The following PIK3CA variants were observed in gnomAD, a reference collection of about 807,000 sequenced individuals.
The protein encoded by PIK3CA is phosphatidylinositol-4,5-bisphosphate 3-kinase catalytic subunit alpha, also known as phosphatidylinositol 4,5-bisphosphate 3-kinase catalytic subunit alpha isoform.
A neutral mutation model predicts 138.2 loss-of-function variants in PIK3CA; 27 were observed. The observed-to-expected ratio is 0.20, with a 90% confidence interval of 0.14 to 0.27. The LOEUF is 0.27. PIK3CA is among the 10% of genes least tolerant of loss of function. The pLI, the probability that PIK3CA is intolerant of heterozygous loss-of-function variation, is 1.00. For synonymous variants in PIK3CA, 358 were observed against 413.2 expected (o/e 0.87, Z 1.62); for missense variants, 544 against 1,277.4 (o/e 0.43, Z 8.75).
At chr3:179,188,255 G>A (rs983849179) in intron 1 of PIK3CA, among the ~76,000 whole-genome samples, 6 of 152,158 alleles carry the variant, frequency 3.9e-5, no homozygotes, top group African/African-American at 1.4e-4. Context: ...CTAAAGATGT[G>A]TAAAAGCTCA....
At chr3:179,181,898 A>G (rs1223041547) in intron 1 of PIK3CA, among the ~76,000 whole-genome samples, 1 of 152,120 alleles carries the variant, frequency 6.6e-6, no homozygotes, top group Non-Finnish European at 1.5e-5. Flanking sequence ...CTCACTCTGA[A>G]TTTTTACCAT....
intron 1 of PIK3CA, among the ~76,000 whole-genome samples, chr3:179,191,966 C>T (rs1266983669): frequency 1.3e-5 from 2 of 152,138 alleles, no homozygotes. Context: ...AAACATAATA[C>T]ACTTTTGAAA....
At chr3:179,191,637 G>A (rs1724138515) in intron 1 of PIK3CA, among the ~76,000 whole-genome samples, 1 of 152,042 alleles carries the variant, frequency 6.6e-6, no homozygotes, top group African/African-American at 2.4e-5. Context: ...GTTTTGTTTT[G>A]TTTTGTTTTG....
intron 1 of PIK3CA, among the ~76,000 whole-genome samples, chr3:179,185,930 C>T (rs1196350447): frequency 6.6e-6 from 1 of 152,196 alleles, no homozygotes; most frequent in Non-Finnish European, 1.5e-5. Flanking sequence ...CATTAAGTAG[C>T]ATGATTGATT....
chr3:179,197,479 T>A (rs1314546437), intron 1 of PIK3CA, among the ~76,000 whole-genome samples: 1 of 152,240 alleles, frequency 6.6e-6, no homozygotes, highest in Non-Finnish European at 1.5e-5. Flanking sequence ...GTGAATGTAA[T>A]TACCCTACAC....
intron 14 of PIK3CA, among the ~76,000 whole-genome samples, chr3:179,222,831 C>G (rs1484005001): frequency 6.6e-6 from 1 of 152,202 alleles, no homozygotes; most frequent in Non-Finnish European, 1.5e-5. Flanking sequence ...CATATAATTT[C>G]TGAATGCATG....
rs1320856522 is a variant in PIK3CA at position 179,234,661 on chromosome 3, C to A, written c.*297C>A. On this transcript the variant is annotated 3_prime_UTR_variant, in exon 21 of 21. Transcript: ENST00000263967. The surrounding 1 kb of genome is among the most constrained non-coding windows in gnomAD (Gnocchi z 5.1). ...ATTGTTTGTATCTTTTTTTAAAAAA[C>A]AAAACAAAACAAAAATCCCCAAAAT... 1 of 266,566 alleles carries A rather than the reference C, an allele frequency of 3.8e-6. No homozygotes were observed. The highest frequency in any genetic ancestry group is 7.0e-6 in the Non-Finnish European group (1 of 142,026). The allele number at this position is 266,566 out of a possible 1,614,324, so 16.5% of individuals were successfully genotyped here. A position where few individuals can be genotyped will look rare whatever the true frequency, so the allele number is the denominator to read the frequency against.
At chr3:179,168,395 A>G (rs1391688674) in intron 1 of PIK3CA, among the ~76,000 whole-genome samples, 1 of 152,020 alleles carries the variant, frequency 6.6e-6, no homozygotes, top group Non-Finnish European at 1.5e-5. Flanking sequence ...TCTTTTGCAG[A>G]TTACTTGTTT....
chr3:179,228,423 GATAC>G (rs1255703598), intron 17 of PIK3CA, among the ~76,000 whole-genome samples: 1 of 151,934 alleles, frequency 6.6e-6, no homozygotes, highest in Non-Finnish European at 1.5e-5. Context: ...AAAGTTTATT[GATAC>G]AGTTTTAGAT....
chr3:179,185,500 T>C (rs191601717), intron 1 of PIK3CA, among the ~76,000 whole-genome samples: 1 of 152,298 alleles, frequency 6.6e-6, no homozygotes, highest in East Asian at 1.9e-4. Flanking sequence ...TAGACAGCAG[T>C]TGAGTATCCT....
intron 1 of PIK3CA, among the ~76,000 whole-genome samples, chr3:179,154,319 T>C (rs536193371): frequency 6.6e-6 from 1 of 152,196 alleles, no homozygotes; most frequent in African/African-American, 2.4e-5. Context: ...GCTCTGCCTG[T>C]TGTCGGAGCA....
intron 1 of PIK3CA, among the ~76,000 whole-genome samples, chr3:179,156,185 G>C (rs1576911648): frequency 6.6e-6 from 1 of 152,224 alleles, no homozygotes; most frequent in African/African-American, 2.4e-5. Context: ...CTGTGGCAGA[G>C]AAAAGCTGCC....
Position 179,199,187 on chromosome 3 carries a change from A to G in PIK3CA, c.352+10A>G, listed in dbSNP as rs2108386513. Reference sequence around the variant, plus strand: ...CTCAATCGAGAAATTGGTATGATACAATATCCTATTCTAAAATGCAAATAA... The same window carrying G: ...CTCAATCGAGAAATTGGTATGATACGATATCCTATTCTAAAATGCAAATAA... On this transcript the variant is annotated intron_variant, in intron 2 of 20. Transcript: ENST00000263967. The G allele has an allele frequency of 6.7e-7, 1 of 1,495,780 alleles. No homozygotes were observed. The highest frequency in any genetic ancestry group is 1.4e-5 in the African/African-American group (1 of 71,306). 92.7% of individuals were successfully genotyped at this position (1,495,780 alleles called of 1,614,324 possible).
intron 1 of PIK3CA, among the ~76,000 whole-genome samples, chr3:179,195,504 G>A (rs1724245438): frequency 6.6e-6 from 1 of 151,936 alleles, no homozygotes; most frequent in Non-Finnish European, 1.5e-5. Context: ...TCACAAATGG[G>A]AAAAATGAGA....
chr3:179,229,719 T>C (rs1725170507), intron 18 of PIK3CA, among the ~76,000 whole-genome samples: 1 of 152,224 alleles, frequency 6.6e-6, no homozygotes, highest in Admixed American at 6.6e-5. Flanking sequence ...ACATTCAAAA[T>C]TTTATTTCTA....
rs984394717 is a variant in PIK3CA, at chr3:179,237,500, G to A, written c.*3136G>A. 1.5e-5 allele frequency: 3 copies of A among 205,056 alleles called. No homozygotes were observed. The highest frequency in any genetic ancestry group is 6.8e-5 in the African/African-American group (3 of 43,796). The allele number at this position is 205,056 out of a possible 1,614,324, so 12.7% of individuals were successfully genotyped here. On this transcript the variant is annotated 3_prime_UTR_variant, in exon 21 of 21. Coordinates refer to ENST00000263967, the MANE Select transcript of PIK3CA (RefSeq NM_006218.4). ...AACAGCTGCTGATAAAGTATTTTGT[G>A]TAAAGTGTAGTTCTTATTAATCAGG...
chr3:179,229,462 C>A lies in PIK3CA; in HGVS notation c.2666+20C>A. On this transcript the variant is annotated intron_variant, in intron 18 of 20. Coordinates refer to ENST00000263967, the MANE Select transcript of PIK3CA (RefSeq NM_006218.4). ...AGAAATGTGAGTTGTATTATTCTTT[C>A]TTCCTATGTTAATCTAAGTTTTTGT... 6.3e-7 allele frequency: 1 copy of A among 1,587,582 alleles called. No homozygotes were observed. The highest frequency in any genetic ancestry group is 8.6e-7 in the Non-Finnish European group (1 of 1,164,204).
intron 1 of PIK3CA, among the ~76,000 whole-genome samples, chr3:179,191,796 C>T (rs1422409965): frequency 6.6e-6 from 1 of 152,078 alleles, no homozygotes; most frequent in African/African-American, 2.4e-5. Context: ...GCCACCAGGG[C>T]CCAGCTAATT....
At position 179,189,843 on chromosome 3, in the gene PIK3CA, G is replaced by A. The variant is rs113198887; in HGVS notation, c.-76-8907G>A. On this transcript the variant is annotated intron_variant, in intron 1 of 20. Transcript: ENST00000263967. ...TAAAGGTCTTTCAGTCTCTCTAAAA[G>A]TGTGAGTTAAATCTGTTTTCTCACG... Among the ~76,000 whole-genome samples the A allele has an allele frequency of 1.4e-3, 206 of 152,300 alleles. 3 individuals carry two copies. The highest frequency in any genetic ancestry group is 4.5e-3 in the African/African-American group (188 of 41,562).
Sources: gnomAD v4.1 joint callset for allele counts (sites outside exome capture counted in the v4.1 genomes callset) on GRCh38, gnomAD v4.1.1 for gene constraint, Gnocchi (gnomAD v3.1) non-coding constraint, MANE v1.5 for transcripts, NCBI Gene and HGNC (gene_info 2026-07-23, HGNC 2026-07-21) for gene names.